Variants in FARS2 observed in about 807,000 individuals in gnomAD.
The protein encoded by FARS2 is phenylalanyl-tRNA synthetase 2, mitochondrial.
Under a neutral mutation model 46.4 loss-of-function variants are expected in FARS2, and 40 were observed. That is an observed-to-expected ratio of 0.86 (90% CI 0.67 to 1.12). The LOEUF is 1.12. Among genes scored for constraint, FARS2 ranks in the 50% most tolerant of loss-of-function variants. The probability of loss-of-function intolerance (pLI) is 0.00; values close to 1 mark genes in which losing one functional copy is unlikely to be tolerated. For synonymous variants in FARS2, 234 were observed against 214.9 expected (o/e 1.09, Z -0.78); for missense variants, 513 against 567.9 (o/e 0.90, Z 0.98).
At chr6:5,356,175 G>A (rs748582576) in intron 1 of FARS2, among the ~76,000 whole-genome samples, 30 of 152,214 alleles carry the variant, frequency 2.0e-4, no homozygotes, top group Non-Finnish European at 3.2e-4. Flanking sequence ...ACGGCTAGGC[G>A]CTGTGGCTTA....
chr6:5,731,019 G>A (rs1339364608), intron 6 of FARS2, among the ~76,000 whole-genome samples: 2 of 152,098 alleles, frequency 1.3e-5, no homozygotes, highest in Admixed American at 6.5e-5. Context: ...ATGACTACAC[G>A]CTCATTTGTC....
At chr6:5,619,004 G>T (rs923372872) in intron 6 of FARS2, among the ~76,000 whole-genome samples, 2 of 152,198 alleles carry the variant, frequency 1.3e-5, no homozygotes, top group African/African-American at 4.8e-5. Flanking sequence ...GCACCTTAAG[G>T]AATTATGGTG....
chr6:5,652,495 C>CCTTTTTCTTTT (rs1249583520), intron 6 of FARS2, among the ~76,000 whole-genome samples: 40 of 152,254 alleles, frequency 2.6e-4, no homozygotes, highest in African/African-American at 9.2e-4. Context: ...TTTTCTCTTT[C>CCTTTTTCTTTT]CTTTTTCTTT....
chr6:5,377,985 A>G (rs1313523089), intron 2 of FARS2, among the ~76,000 whole-genome samples: 1 of 152,240 alleles, frequency 6.6e-6, no homozygotes, highest in Non-Finnish European at 1.5e-5. Context: ...TAAATATTAC[A>G]TAATTAATAT....
chr6:5,378,006 A>G (rs575790881), intron 2 of FARS2, among the ~76,000 whole-genome samples: 103 of 152,350 alleles, frequency 6.8e-4, no homozygotes, highest in Non-Finnish European at 1.3e-3. Context: ...ATAATTTACA[A>G]ATATTCACAC....
intron 1 of FARS2, among the ~76,000 whole-genome samples, chr6:5,359,936 C>T (rs1423185457): frequency 6.6e-6 from 1 of 152,172 alleles, no homozygotes; most frequent in Non-Finnish European, 1.5e-5. Flanking sequence ...CCCTGATGAA[C>T]CACCACAGAA....
intron 6 of FARS2, among the ~76,000 whole-genome samples, chr6:5,680,714 G>T (rs1489357681): frequency 6.8e-6 from 1 of 146,386 alleles, no homozygotes; most frequent in East Asian, 2.0e-4. Flanking sequence ...CCTCTTGTTT[G>T]TTCTGCAAAA....
rs572567109 is a variant in FARS2, at chr6:5,608,689, T to G, written c.1066-4480T>G. Among the ~76,000 whole-genome samples the G allele has an allele frequency of 2.6e-5, 4 of 152,290 alleles. No homozygotes were observed. The South Asian group carries it at 8.4e-4, about 32-fold the overall frequency. On this transcript the variant is annotated intron_variant, in intron 5 of 6. Transcript: ENST00000274680. ...CATGATTTTGCTTGGGTAATCCCTT[T>G]TAATGGTGAACTTCAGATCGCAACA...
intron 4 of FARS2, among the ~76,000 whole-genome samples, chr6:5,510,887 G>T (rs1353890848): frequency 6.6e-6 from 1 of 152,154 alleles, no homozygotes; most frequent in Non-Finnish European, 1.5e-5. Context: ...AGGAGTGCCT[G>T]TCTGTGCTGG....
chr6:5,265,760 C>T (rs1044554506), intron 1 of FARS2, among the ~76,000 whole-genome samples: 5 of 152,054 alleles, frequency 3.3e-5, no homozygotes, highest in Admixed American at 6.5e-5. Context: ...CAGTTTTGAC[C>T]GTTACTTTTA....
At chr6:5,378,031 A>G (rs1759493360) in intron 2 of FARS2, among the ~76,000 whole-genome samples, 1 of 152,224 alleles carries the variant, frequency 6.6e-6, no homozygotes, top group South Asian at 2.1e-4. Flanking sequence ...ATAAAGGGAA[A>G]TCTTTTCGGA....
intron 4 of FARS2, among the ~76,000 whole-genome samples, chr6:5,524,864 T>C (rs1769364401): frequency 6.6e-6 from 1 of 152,154 alleles, no homozygotes; most frequent in African/African-American, 2.4e-5. Context: ...TGGCTATGCT[T>C]ATAGGACAGG....
chr6:5,364,722 A>G (rs922465229), intron 1 of FARS2, among the ~76,000 whole-genome samples: 1 of 152,182 alleles, frequency 6.6e-6, no homozygotes, highest in Non-Finnish European at 1.5e-5. Context: ...CTGTGTTCCA[A>G]CAAACTTTAT....
intron 1 of FARS2, among the ~76,000 whole-genome samples, chr6:5,352,123 T>G (rs1393832869): frequency 1.3e-5 from 2 of 150,254 alleles, no homozygotes; most frequent in African/African-American, 5.0e-5. Flanking sequence ...ACATTGAGGT[T>G]TTTTTTTTGT....
At position 5,471,683 on chromosome 6, in the gene FARS2, A is replaced by T. The variant is rs1414258899; in HGVS notation, c.904+40511A>T. 1.3e-5 allele frequency among the ~76,000 whole-genome samples: 2 copies of T among 152,222 alleles called. No individual in the cohort carries two copies. The highest frequency in any genetic ancestry group is 2.9e-5 in the Non-Finnish European group (2 of 68,044). Reference sequence around the variant, plus strand: ...GAATCCTATTGCCTAGTGTAGGCAGATCATATTCTGTATGATCTTGTTGGC... The same window carrying T: ...GAATCCTATTGCCTAGTGTAGGCAGTTCATATTCTGTATGATCTTGTTGGC... On this transcript the variant is annotated intron_variant, in intron 4 of 6. Coordinates refer to ENST00000274680, the MANE Select transcript of FARS2 (RefSeq NM_006567.5). The surrounding 1 kb of genome is among the most constrained non-coding windows in gnomAD (Gnocchi z 4.1).
At chr6:5,677,869 A>G (rs567351988) in intron 6 of FARS2, among the ~76,000 whole-genome samples, 131 of 152,328 alleles carry the variant, frequency 8.6e-4, no homozygotes, top group African/African-American at 3.0e-3. Context: ...GGAGTGCAGT[A>G]AATGGGTGAG....
intron 6 of FARS2, among the ~76,000 whole-genome samples, chr6:5,770,753 A>G (rs1336932058): frequency 1.3e-5 from 2 of 152,248 alleles, no homozygotes; most frequent in Admixed American, 6.5e-5. Flanking sequence ...TTCTCTACAC[A>G]GCACATACAC....
intron 4 of FARS2, among the ~76,000 whole-genome samples, chr6:5,496,739 CTAATTACCTCT>C (rs1582272390): frequency 6.6e-6 from 1 of 152,284 alleles, no homozygotes; most frequent in South Asian, 2.1e-4. Context: ...CTCATTTTAA[CTAATTACCTCT>C]TAATTACCTC....
intron 4 of FARS2, among the ~76,000 whole-genome samples, chr6:5,538,546 T>TA (rs376486715): frequency 7.7e-4 from 117 of 152,216 alleles, no homozygotes; most frequent in African/African-American, 2.7e-3. Context: ...TCCTTAAAAT[T>TA]AAAAAAATCC....
Sources: allele counts gnomAD v4.1 joint callset (sites outside exome capture counted in the v4.1 genomes callset), GRCh38; gene constraint gnomAD v4.1.1; non-coding constraint Gnocchi (gnomAD v3.1); transcripts MANE v1.5; gene names NCBI Gene and HGNC (gene_info 2026-07-23, HGNC 2026-07-21).